KIF1B: variants seen among roughly 807,000 people sequenced by gnomAD.
The protein encoded by KIF1B is kinesin-like protein KIF1B.
KIF1B carries 76 observed loss-of-function variants against 241.9 expected under a neutral mutation model. The ratio of observed to expected loss-of-function variants is 0.31; its 90% CI spans 0.26 to 0.38. The LOEUF (loss-of-function observed/expected upper bound fraction) is 0.38, where lower values mean the gene tolerates loss of function less well. Among genes scored for constraint, KIF1B ranks in the 10% least tolerant of loss-of-function variants. The pLI is 1.00. For missense variants in KIF1B, 1,622 were observed against 2,271.4 expected (o/e 0.71, Z 5.81); for synonymous variants, 750 against 796.7 (o/e 0.94, Z 0.99).
At chr1:10,342,993 A>G (rs1438465611) in intron 33 of KIF1B, among the ~76,000 whole-genome samples, 2 of 152,164 alleles carry the variant, frequency 1.3e-5, no homozygotes, top group African/African-American at 4.8e-5. Flanking sequence ...CTGCAAATAG[A>G]ATGTCTTGAG....
At chr1:10,236,195 C>A (rs555355273) in intron 2 of KIF1B, among the ~76,000 whole-genome samples, 1 of 151,912 alleles carries the variant, frequency 6.6e-6, no homozygotes, top group Non-Finnish European at 1.5e-5. Flanking sequence ...TCGCTTAAAC[C>A]CTGGAAGCGG....
At chr1:10,274,724 G>A (rs1384268451) in intron 10 of KIF1B, among the ~76,000 whole-genome samples, 1 of 149,118 alleles carries the variant, frequency 6.7e-6, no homozygotes, top group African/African-American at 2.5e-5. Context: ...ATTGAGGATG[G>A]GGTATTTGAT....
chr1:10,239,826 C>T (rs895085951), intron 2 of KIF1B, among the ~76,000 whole-genome samples: 26 of 151,092 alleles, frequency 1.7e-4, no homozygotes, highest in African/African-American at 5.3e-4. Flanking sequence ...AGTGCAGTGG[C>T]GCAATCTTGG....
In KIF1B at chr1:10,365,600, A is replaced by G. The variant is rs1638548727; in HGVS notation, c.4704A>G (p.Ser1568=). 2 of 1,614,050 alleles carry G rather than the reference A, an allele frequency of 1.2e-6. No individual in the cohort carries two copies. The highest frequency in any genetic ancestry group is 1.3e-5 in the African/African-American group (1 of 74,920). The change falls in exon 43 of 49, where the codon TCA becomes TCG. Residue 1568 remains serine (S), a synonymous_variant. Coordinates refer to ENST00000676179, the MANE Select transcript of KIF1B (RefSeq NM_001365951.3). The surrounding 1 kb of genome is among the most constrained non-coding windows in gnomAD (Gnocchi z 4.0). ...CTAGCGAGAGCAGTGGCTATGATTCAGGAGACATCGAAAGCCTGGTGGACC... is the reference window on the plus strand; with the variant it reads ...CTAGCGAGAGCAGTGGCTATGATTCGGGAGACATCGAAAGCCTGGTGGACC... ...ITPSESSGYD[S]GDIESLVDRE... is the part of the protein sequence containing the mutation.
At chr1:10,350,076 G>A (rs1399971468) in intron 37 of KIF1B, among the ~76,000 whole-genome samples, 1 of 151,970 alleles carries the variant, frequency 6.6e-6, no homozygotes, top group Admixed American at 6.6e-5. Flanking sequence ...GGATCACAAG[G>A]TCAAGAGATT....
chr1:10,342,316 CATCTT>C, intron 33 of KIF1B, 148 bp downstream of exon 33: 2 of 688,166 alleles, frequency 2.9e-6, no homozygotes, highest in Non-Finnish European at 5.2e-6. Context: ...ACTTCACTAT[CATCTT>C]ATAGCCACCT....
intron 45 of KIF1B, among the ~76,000 whole-genome samples, chr1:10,372,813 A>AT (rs1242418357): frequency 3.9e-4 from 58 of 147,884 alleles, no homozygotes; most frequent in South Asian, 1.1e-3. Flanking sequence ...ATTTTATTTT[A>AT]TTTATTTATT....
At chr1:10,355,658 C>G (rs1396996587) in intron 38 of KIF1B, among the ~76,000 whole-genome samples, 1 of 152,154 alleles carries the variant, frequency 6.6e-6, no homozygotes, top group African/African-American at 2.4e-5. Flanking sequence ...TTCTACATTA[C>G]AAAGTAGAAT....
At chr1:10,251,792 A>G (rs1407909743) in intron 2 of KIF1B, among the ~76,000 whole-genome samples, 1 of 151,964 alleles carries the variant, frequency 6.6e-6, no homozygotes, top group East Asian at 1.9e-4. Flanking sequence ...GCAGAGGCTT[A>G]AAAGTTTTTT....
At chr1:10,232,116 C>T (rs17034595) in intron 1 of KIF1B, 134 bp from the exon 2 acceptor site, 17 of 517,764 alleles carry the variant, frequency 3.3e-5, no homozygotes, top group Middle Eastern at 5.4e-4. Context: ...AAGATTTGCA[C>T]GGGAGAAAAG....
intron 27 of KIF1B, among the ~76,000 whole-genome samples, chr1:10,327,864 A>G (rs962292217): frequency 3.9e-5 from 6 of 152,214 alleles, no homozygotes; most frequent in African/African-American, 1.4e-4. Context: ...CAGTTATCTA[A>G]AAATTAAAGG....
intron 22 of KIF1B, chr1:10,304,340 A>T (rs768122964): frequency 6.2e-7 from 1 of 1,614,054 alleles, no homozygotes; most frequent in Non-Finnish European, 8.5e-7. Context: ...TGGAGAAGCA[A>T]TTCTCTCAAT....
chr1:10,376,834 AACACACACACACACACAC>A lies in KIF1B; in HGVS notation c.*263_*280del. The A allele has an allele frequency of 2.3e-6, 1 of 441,788 alleles. No individual in the cohort carries two copies. Among genetic ancestry groups the A allele is most frequent in the Non-Finnish European group, 4.2e-6 (1 of 236,652 alleles). The allele number at this position is 441,788 out of a possible 1,614,324, so 27.4% of individuals were successfully genotyped here. ...CTAACAAAAGGAAAAAATGTTTTTA[AACACACACACACACACAC>A]ACACACACACACACATACACAGACA... is the stretch of plus-strand genomic sequence containing the variant. On this transcript the variant is annotated 3_prime_UTR_variant, in exon 49 of 49. Transcript: ENST00000676179.
rs1442910115 is a variant in KIF1B at position 10,379,591 on chromosome 1, G to A, written c.*3004G>A. 1 of 231,698 alleles carries A rather than the reference G, an allele frequency of 4.3e-6. No individual in the cohort carries two copies. The highest frequency in any genetic ancestry group is 2.2e-5 in the African/African-American group (1 of 45,260). 14.4% of individuals were successfully genotyped at this position (231,698 alleles called of 1,614,324 possible). On this transcript the variant is annotated 3_prime_UTR_variant, in exon 49 of 49. Coordinates refer to ENST00000676179, the MANE Select transcript of KIF1B (RefSeq NM_001365951.3). Reference sequence around the variant, plus strand: ...AAAGTTAAGAAACATAGCCCTTAAGGAAACCACCTTTATGTATTTTCTTAA... The same window carrying A: ...AAAGTTAAGAAACATAGCCCTTAAGAAAACCACCTTTATGTATTTTCTTAA...
At chr1:10,270,713 A>G (rs1266225087) in intron 7 of KIF1B, among the ~76,000 whole-genome samples, 1 of 152,018 alleles carries the variant, frequency 6.6e-6, no homozygotes, top group Non-Finnish European at 1.5e-5. Context: ...TCACAAGGTC[A>G]GGAGTTTGAG....
At chr1:10,264,616 G>A (rs1648344896) in intron 5 of KIF1B, among the ~76,000 whole-genome samples, 1 of 152,078 alleles carries the variant, frequency 6.6e-6, no homozygotes, top group Non-Finnish European at 1.5e-5. Flanking sequence ...AATATTTGTT[G>A]TTCTGTTACT....
chr1:10,262,372 A>T (rs1167843035), intron 5 of KIF1B, among the ~76,000 whole-genome samples: 1 of 151,562 alleles, frequency 6.6e-6, no homozygotes, highest in African/African-American at 2.4e-5. Flanking sequence ...TTGGTGTTGA[A>T]CTCTTGGGCT....
intron 22 of KIF1B, chr1:10,305,826 C>A: frequency 9.5e-7 from 1 of 1,052,576 alleles, no homozygotes; most frequent in Non-Finnish European, 1.1e-6. Context: ...TTTTCTACAT[C>A]GTTCCTCATC....
chr1:10,317,723 TG>T (rs1651360799), intron 22 of KIF1B, among the ~76,000 whole-genome samples: 1 of 150,632 alleles, frequency 6.6e-6, no homozygotes. Flanking sequence ...CCCAGCTACT[TG>T]GGAGGCTAAG....
Sources: gnomAD v4.1 joint callset for allele counts (sites outside exome capture counted in the v4.1 genomes callset) on GRCh38, gnomAD v4.1.1 for gene constraint, Gnocchi (gnomAD v3.1) non-coding constraint, MANE v1.5 for transcripts, NCBI Gene and HGNC (gene_info 2026-07-23, HGNC 2026-07-21) for gene names.